RORA: variants seen among roughly 807,000 people sequenced by gnomAD.
RORA encodes nuclear receptor ROR-alpha.
Under a neutral mutation model 69.5 loss-of-function variants are expected in RORA, and 7 were observed. The observed-to-expected ratio is 0.10, with a 90% CI of 0.06 to 0.19. The LOEUF (loss-of-function observed/expected upper bound fraction) is 0.19. Ranked by LOEUF, RORA falls within the 10% of genes least tolerant of loss-of-function variation. The probability of loss-of-function intolerance (pLI) is 1.00; values close to 1 mark genes in which losing one functional copy is unlikely to be tolerated. For missense variants in RORA, 457 were observed against 663.0 expected (o/e 0.69, Z 3.41); for synonymous variants, 261 against 240.8 (o/e 1.08, Z -0.78).
At chr15:61,224,615 T>G (rs2080129212) in intron 1 of RORA, among the ~76,000 whole-genome samples, 2 of 152,202 alleles carry the variant, frequency 1.3e-5, no homozygotes, top group South Asian at 4.1e-4. Context: ...AAGGTGGATC[T>G]TAATTCAGAA....
intron 1 of RORA, among the ~76,000 whole-genome samples, chr15:61,140,887 T>G (rs1200689175): frequency 1.3e-5 from 2 of 152,122 alleles, no homozygotes; most frequent in Non-Finnish European, 2.9e-5. Context: ...ACCAAACACC[T>G]TCCTAACTCC....
intron 1 of RORA, among the ~76,000 whole-genome samples, chr15:61,022,124 A>G (rs1895559302): frequency 6.6e-6 from 1 of 152,220 alleles, no homozygotes; most frequent in Non-Finnish European, 1.5e-5. Context: ...TTCAAATGCT[A>G]GGTCAACCAT....
chr15:60,590,989 C>T lies in RORA; in HGVS notation c.197-59138G>A, dbSNP rs573684038. On this transcript the variant is annotated intron_variant, in intron 2 of 10. Transcript: ENST00000335670. Reference sequence around the variant, plus strand: ...TTAATAATTAATAAAAGAGATGCCACCCAATCTCTAGTGAAGAAAGGCAAA... The same window carrying T: ...TTAATAATTAATAAAAGAGATGCCATCCAATCTCTAGTGAAGAAAGGCAAA... Among the ~76,000 whole-genome samples the T allele has an allele frequency of 1.1e-4, 16 of 152,184 alleles. 1 individual carries two copies. The highest frequency in any genetic ancestry group is 1.6e-4 in the Non-Finnish European group (11 of 68,026).
At chr15:60,542,666 CAT>C (rs765790124) in intron 2 of RORA, among the ~76,000 whole-genome samples, 1,939 of 141,234 alleles carry the variant, frequency 0.014, 131 homozygotes, top group African/African-American at 0.054. Context: ...ACCTCACACA[CAT>C]GGCACACGGG....
At chr15:60,956,099 CA>C (rs1268044972) in intron 1 of RORA, among the ~76,000 whole-genome samples, 1 of 152,184 alleles carries the variant, frequency 6.6e-6, no homozygotes, top group Non-Finnish European at 1.5e-5. Flanking sequence ...GCAGGGCAAG[CA>C]GATTCTCTTG....
chr15:60,611,559 C>CAGAAAAAAAAAAA (rs2069087799), intron 2 of RORA, among the ~76,000 whole-genome samples: 1 of 35,810 alleles, frequency 2.8e-5, no homozygotes, highest in Non-Finnish European at 4.7e-5. Flanking sequence ...TTGAGTTTTG[C>CAGAAAAAAAAAAA]AAAAAAAAAA....
chr15:60,721,146 G>A (rs983413908), intron 1 of RORA, among the ~76,000 whole-genome samples: 3 of 152,132 alleles, frequency 2.0e-5, no homozygotes, highest in African/African-American at 4.8e-5. Flanking sequence ...AATGAGTCAG[G>A]GGCAGAAGAG....
At chr15:60,598,949 T>C (rs1398220649) in intron 2 of RORA, among the ~76,000 whole-genome samples, 1 of 152,184 alleles carries the variant, frequency 6.6e-6, no homozygotes, top group Non-Finnish European at 1.5e-5. Context: ...ACTGTGCTAG[T>C]ATGTCGAGAG....
chr15:60,925,093 TAATAAAATAAAATAA>T (rs59752102), intron 1 of RORA, among the ~76,000 whole-genome samples: 2,429 of 140,050 alleles, frequency 0.017, 35 homozygotes, highest in African/African-American at 0.033. Context: ...ATAAATAAAT[TAATAAAATAAAATAA>T]AATAAAATAA....
chr15:60,834,284 G>A (rs931474181), intron 1 of RORA, among the ~76,000 whole-genome samples: 3 of 152,116 alleles, frequency 2.0e-5, no homozygotes, highest in Non-Finnish European at 4.4e-5. Context: ...ATTTCTGAGT[G>A]GTTTTAAAAG....
intron 1 of RORA, among the ~76,000 whole-genome samples, chr15:60,845,853 T>C (rs1039871816): frequency 6.6e-6 from 1 of 152,152 alleles, no homozygotes; most frequent in Non-Finnish European, 1.5e-5. Flanking sequence ...TTCACACCAT[T>C]CTCCTACCTC....
intron 2 of RORA, among the ~76,000 whole-genome samples, chr15:60,567,103 C>G (rs924541864): frequency 6.6e-6 from 1 of 151,790 alleles, no homozygotes; most frequent in Admixed American, 6.6e-5. Flanking sequence ...GCTTCCATAA[C>G]GAGCTAGCCT....
At chr15:60,728,488 T>C (rs2071392198) in intron 1 of RORA, among the ~76,000 whole-genome samples, 1 of 152,174 alleles carries the variant, frequency 6.6e-6, no homozygotes, top group Non-Finnish European at 1.5e-5. Context: ...CATAGGACAT[T>C]AGTTCATTTC....
intron 2 of RORA, among the ~76,000 whole-genome samples, chr15:60,657,449 A>T (rs1206160919): frequency 6.6e-6 from 1 of 152,164 alleles, no homozygotes; most frequent in Non-Finnish European, 1.5e-5. Flanking sequence ...AGGTAAGTGG[A>T]TTCCTTTGCC....
chr15:61,120,130 G>T (rs1296930399), intron 1 of RORA, among the ~76,000 whole-genome samples: 1 of 152,164 alleles, frequency 6.6e-6, no homozygotes, highest in African/African-American at 2.4e-5. Flanking sequence ...GAATCATCTG[G>T]AGAGTAAATA....
chr15:60,926,168 T>C (rs1353069258), intron 1 of RORA, among the ~76,000 whole-genome samples: 1 of 152,254 alleles, frequency 6.6e-6, no homozygotes, highest in African/African-American at 2.4e-5. Flanking sequence ...CATCTCCATA[T>C]CTGCATTTCT....
chr15:61,167,175 C>A (rs1180552078), intron 1 of RORA, among the ~76,000 whole-genome samples: 3 of 152,210 alleles, frequency 2.0e-5, no homozygotes, highest in Non-Finnish European at 4.4e-5. Flanking sequence ...AATCACTCTT[C>A]ACTCGGTACT....
intron 1 of RORA, among the ~76,000 whole-genome samples, chr15:61,051,145 ATCTGAGC>A (rs1267290503): frequency 1.3e-5 from 2 of 152,200 alleles, no homozygotes; most frequent in Admixed American, 1.3e-4. Flanking sequence ...AGAAGGCTGC[ATCTGAGC>A]AGGGTGTGGA....
At chr15:60,925,259 C>T (rs1892179385) in intron 1 of RORA, among the ~76,000 whole-genome samples, 1 of 152,112 alleles carries the variant, frequency 6.6e-6, no homozygotes, top group South Asian at 2.1e-4. Context: ...TTGTCAGTTT[C>T]TTGGTGCTGG....
Sources: gnomAD v4.1 joint callset for allele counts (sites outside exome capture counted in the v4.1 genomes callset) on GRCh38, gnomAD v4.1.1 for gene constraint, MANE v1.5 for transcripts, NCBI Gene and HGNC (gene_info 2026-07-23, HGNC 2026-07-21) for gene names.